ST8SIA1: variants seen among roughly 807,000 people sequenced by gnomAD.
The protein encoded by ST8SIA1 is alpha-N-acetylneuraminide alpha-2,8-sialyltransferase.
In ST8SIA1, 16 loss-of-function variants were observed where a neutral mutation model predicts 35.9. The observed-to-expected ratio is 0.45, with a 90% CI of 0.30 to 0.68. The LOEUF (loss-of-function observed/expected upper bound fraction) is 0.68, where lower values mean the gene tolerates loss of function less well. Ranked by LOEUF, ST8SIA1 falls within the 30% of genes least tolerant of loss-of-function variation. The probability of loss-of-function intolerance (pLI) is 0.09; values close to 1 mark genes in which losing one functional copy is unlikely to be tolerated. For missense variants in ST8SIA1, 383 were observed against 453.6 expected, an observed-to-expected ratio of 0.84 and a Z score of 1.41; for synonymous variants, 170 against 169.6, an observed-to-expected ratio of 1.00 and a Z score of -0.02.
chr12:22,230,612 T>C (rs1370170690), intron 4 of ST8SIA1, among the ~76,000 whole-genome samples: 1 of 152,208 alleles, frequency 6.6e-6, no homozygotes, highest in Non-Finnish European at 1.5e-5. Flanking sequence ...TTTAGTTTCC[T>C]CAGGGTGGCT....
rs182504969 is a variant in ST8SIA1, at chr12:22,210,941, G to A, written c.585-8903C>T. Among the ~76,000 whole-genome samples, 17 of 152,188 alleles carry A rather than the reference G, an allele frequency of 1.1e-4. No homozygotes were observed. In the East Asian group the frequency reaches 2.3e-3, roughly 21 times the overall value. ...GACAAACACCAAGCTGTAACCAATC[G>A]TGCTGTTTCTGTACCTCAGTGCCAC... On this transcript the variant is annotated intron_variant, in intron 4 of 4. Coordinates refer to ENST00000396037, the MANE Select transcript of ST8SIA1 (RefSeq NM_003034.4).
At chr12:22,274,574 C>T (rs1865947265) in intron 2 of ST8SIA1, among the ~76,000 whole-genome samples, 1 of 152,192 alleles carries the variant, frequency 6.6e-6, no homozygotes, top group Admixed American at 6.6e-5. Flanking sequence ...AAAATAACTA[C>T]ATGCCCAGAA....
At chr12:22,284,932 A>T (rs943394670) in intron 2 of ST8SIA1, among the ~76,000 whole-genome samples, 12 of 152,074 alleles carry the variant, frequency 7.9e-5, no homozygotes, top group Admixed American at 6.6e-4. Flanking sequence ...CCTCATCTAT[A>T]AAAAAAAGCT....
chr12:22,230,370 A>C (rs1189886839), intron 4 of ST8SIA1, among the ~76,000 whole-genome samples: 2 of 152,176 alleles, frequency 1.3e-5, no homozygotes, highest in Admixed American at 6.5e-5. Context: ...GGGGCTCTGT[A>C]ATACAAAAGA....
In ST8SIA1 at chr12:22,297,838, T is replaced by A. The variant is rs574680191; in HGVS notation, c.237-10545A>T. On this transcript the variant is annotated intron_variant, in intron 1 of 4. Transcript: ENST00000396037. Reference sequence around the variant, plus strand: ...AAAATGATGTCTTTTTGTATGCTAATGAGTTGACTGGTGGCTAGAGACCCC... The same window carrying A: ...AAAATGATGTCTTTTTGTATGCTAAAGAGTTGACTGGTGGCTAGAGACCCC... Among the ~76,000 whole-genome samples, 73 of 152,248 alleles carry A rather than the reference T, an allele frequency of 4.8e-4. 2 individuals are homozygous for A. The South Asian group carries it at 0.015, about 31-fold the overall frequency.
At chr12:22,251,203 T>A (rs1353407115) in intron 3 of ST8SIA1, among the ~76,000 whole-genome samples, 2 of 152,242 alleles carry the variant, frequency 1.3e-5, no homozygotes, top group African/African-American at 4.8e-5. Flanking sequence ...GAATCAGCTA[T>A]GTTACGCTAA....
At chr12:22,261,096 T>TTA (rs1865786171) in intron 2 of ST8SIA1, among the ~76,000 whole-genome samples, 2 of 152,038 alleles carry the variant, frequency 1.3e-5, no homozygotes, top group South Asian at 4.2e-4. Flanking sequence ...CCAAGCTAAT[T>TTA]TATATATATT....
intron 1 of ST8SIA1, among the ~76,000 whole-genome samples, chr12:22,321,037 AAAGAG>A (rs1295844460): frequency 0.017 from 1,178 of 68,684 alleles, 20 homozygotes; most frequent in East Asian, 0.043. Flanking sequence ...AAAGAAAGAG[AAAGAG>A]AAAGAAAAGA....
intron 1 of ST8SIA1, among the ~76,000 whole-genome samples, chr12:22,310,426 CT>C (rs1425089144): frequency 3.3e-5 from 5 of 152,290 alleles, no homozygotes; most frequent in South Asian, 2.1e-4. Context: ...CAGGTTCCCC[CT>C]GTGACTGAGC....
intron 1 of ST8SIA1, among the ~76,000 whole-genome samples, chr12:22,310,870 G>A (rs898727037): frequency 6.6e-6 from 1 of 152,130 alleles, no homozygotes; most frequent in African/African-American, 2.4e-5. Flanking sequence ...GCTGAGACAC[G>A]CATTATAGCC....
chr12:22,207,017 A>G (rs1378869535), intron 4 of ST8SIA1, among the ~76,000 whole-genome samples: 2 of 152,214 alleles, frequency 1.3e-5, no homozygotes, highest in African/African-American at 2.4e-5. Context: ...AAGCTCCAGA[A>G]AAATAGCTAT....
intron 1 of ST8SIA1, among the ~76,000 whole-genome samples, chr12:22,329,570 C>A (rs1866731815): frequency 6.6e-6 from 1 of 152,138 alleles, no homozygotes; most frequent in Non-Finnish European, 1.5e-5. Context: ...CCATAAACCC[C>A]CAACTTACAA....
At chr12:22,235,634 T>C (rs901900677) in intron 4 of ST8SIA1, among the ~76,000 whole-genome samples, 2 of 152,150 alleles carry the variant, frequency 1.3e-5, no homozygotes, top group African/African-American at 2.4e-5. Context: ...GTTTCACACT[T>C]TACACTTAAA....
At chr12:22,303,885 C>CAAAAAA (rs1259181675) in intron 1 of ST8SIA1, among the ~76,000 whole-genome samples, 1 of 149,620 alleles carries the variant, frequency 6.7e-6, no homozygotes, top group African/African-American at 2.5e-5. Context: ...CACACACACA[C>CAAAAAA]ACAAAAGTGG....
intron 1 of ST8SIA1, among the ~76,000 whole-genome samples, 195 bp from the exon 2 acceptor site, chr12:22,287,488 C>CAA (rs60549878): frequency 0.068 from 8,563 of 126,184 alleles, 321 homozygotes; most frequent in Non-Finnish European, 0.078. Context: ...TATTTCACAG[C>CAA]AAAAAAAAAA....
chr12:22,224,432 C>T (rs948445215), intron 4 of ST8SIA1, among the ~76,000 whole-genome samples: 6 of 152,008 alleles, frequency 3.9e-5, no homozygotes, highest in African/African-American at 1.5e-4. Flanking sequence ...GCCTCAGCCT[C>T]CTGAGTAGCT....
intron 4 of ST8SIA1, chr12:22,223,757 C>T (rs901035527): frequency 4.0e-6 from 5 of 1,252,140 alleles, no homozygotes; most frequent in Non-Finnish European, 5.1e-6. Flanking sequence ...TTCACCCTCT[C>T]GACAGCTGTA....
At chr12:22,297,836 A>G (rs1292436901) in intron 1 of ST8SIA1, among the ~76,000 whole-genome samples, 1 of 152,126 alleles carries the variant, frequency 6.6e-6, no homozygotes, top group African/African-American at 2.4e-5. Context: ...TTTGTATGCT[A>G]ATGAGTTGAC....
At chr12:22,287,086 C>T in intron 2 of ST8SIA1, 63 bp downstream of exon 2, 2 of 1,485,768 alleles carry the variant, frequency 1.3e-6, no homozygotes, top group Non-Finnish European at 1.8e-6. Context: ...ACTCAATTAT[C>T]CCTTTTCTAT....
Sources: gnomAD v4.1 joint callset for allele counts (sites outside exome capture counted in the v4.1 genomes callset) on GRCh38, gnomAD v4.1.1 for gene constraint, MANE v1.5 for transcripts, NCBI Gene and HGNC (gene_info 2026-07-23, HGNC 2026-07-21) for gene names.